Variants in ASAP2 observed in about 807,000 individuals in gnomAD.
ASAP2 encodes the protein arf-GAP with SH3 domain, ANK repeat and PH domain-containing protein 2.
A neutral mutation model predicts 131.4 loss-of-function variants in ASAP2; 45 were observed. The observed-to-expected ratio is 0.34, with a 90% CI of 0.27 to 0.44. The LOEUF is 0.44. Ranked by LOEUF, ASAP2 falls within the 20% of genes least tolerant of loss-of-function variation. The pLI, the probability that ASAP2 is intolerant of heterozygous loss-of-function variation, is 1.00. For missense variants in ASAP2, 1,011 were observed against 1,297.0 expected (o/e 0.78, Z 3.39); for synonymous variants, 510 against 503.0 (o/e 1.01, Z -0.19).
In ASAP2 at chr2:9,385,325, T is replaced by C; in HGVS notation, c.2097T>C (p.Asp699=). The C allele has an allele frequency of 1.2e-6, 2 of 1,614,148 alleles. No individual in the cohort carries two copies. The highest frequency in any genetic ancestry group is 1.7e-6 in the Non-Finnish European group (2 of 1,179,962). Residue 699 remains aspartate, a synonymous_variant, in exon 21 of 28, where the codon GAT becomes GAC. Coordinates refer to ENST00000281419, the MANE Select transcript of ASAP2 (RefSeq NM_003887.3). The part of the protein sequence containing the change: ...YEWRLLHEDL[D]ESDDDMDEKL... ...GGCGACTACTCCACGAAGACCTGGA[T>C]GAAAGTGATGACGACATGGATGAGA...
At position 9,208,880 on chromosome 2, in the gene ASAP2, AAGCT is replaced by A. The variant is rs1389422767; in HGVS notation, c.126+1651_126+1654del. On this transcript the variant is annotated intron_variant, in intron 1 of 27. Transcript: ENST00000281419. The stretch of plus-strand genomic sequence containing the variant: ...ATTGTGCATGATGTCTTTCTTTAGA[AAGCT>A]TGATTATGTTTAAAGTTCTGTTGCT... Among the ~76,000 whole-genome samples the A allele has an allele frequency of 2.2e-4, 34 of 152,346 alleles. No individual in the cohort carries two copies. The East Asian group carries it at 5.6e-3, about 25-fold the overall frequency.
rs1661211345 is a variant in ASAP2, at chr2:9,207,597, C to T, written c.126+367C>T. On this transcript the variant is annotated intron_variant, in intron 1 of 27. Coordinates refer to ENST00000281419, the MANE Select transcript of ASAP2 (RefSeq NM_003887.3). The surrounding 1 kb of genome is among the most constrained non-coding windows in gnomAD (Gnocchi z 4.1). ...GGGGTCTTTGGTACCCGGTGCGGAC[C>T]TTATCAACTTGTTCTTGAAGTGGAC... is the stretch of plus-strand genomic sequence containing the variant. Among the ~76,000 whole-genome samples the T allele has an allele frequency of 6.6e-6, 1 of 152,150 alleles. No homozygotes were observed. The highest frequency in any genetic ancestry group is 1.5e-5 in the Non-Finnish European group (1 of 68,014).
intron 9 of ASAP2, among the ~76,000 whole-genome samples, chr2:9,336,472 G>A (rs186622022): frequency 3.3e-5 from 5 of 152,236 alleles, no homozygotes; most frequent in South Asian, 2.1e-4. Flanking sequence ...AGTGTTGGTT[G>A]TGCCTTAAGT....
rs565153366 is a variant in ASAP2, at chr2:9,389,488, G to A, written c.2383+942G>A. ...GCAGGCTGGGTCGGTGCGTGAGGGTGGCTGAGGCCGGGAGACCTGGCCCAG... is the reference window on the plus strand; with the variant it reads ...GCAGGCTGGGTCGGTGCGTGAGGGTAGCTGAGGCCGGGAGACCTGGCCCAG... On this transcript the variant is annotated intron_variant, in intron 22 of 27. Transcript: ENST00000281419. The surrounding 1 kb of genome is among the most constrained non-coding windows in gnomAD (Gnocchi z 4.7). 3.3e-5 allele frequency among the ~76,000 whole-genome samples: 5 copies of A among 152,344 alleles called. No individual in the cohort carries two copies. In the South Asian group the frequency reaches 1.0e-3, roughly 32 times the overall value.
intron 3 of ASAP2, among the ~76,000 whole-genome samples, chr2:9,307,926 GTGTGTGCATACGTGTGCTTGTC>G (rs1558316320): frequency 9.9e-5 from 15 of 152,198 alleles, no homozygotes. Flanking sequence ...ATAGACGGGA[GTGTGTGCATACGTGTGCTTGTC>G]TGTGTGCATG....
At chr2:9,331,483 T>G (rs1294769989) in intron 7 of ASAP2, among the ~76,000 whole-genome samples, 1 of 152,158 alleles carries the variant, frequency 6.6e-6, no homozygotes, top group Non-Finnish European at 1.5e-5. Flanking sequence ...ACAGCCATGG[T>G]TTGGCAAGGC....
At position 9,279,404 on chromosome 2, in the gene ASAP2, T is replaced by G; in HGVS notation, c.199+15T>G. 6.2e-7 allele frequency: 1 copy of G among 1,609,760 alleles called. No homozygotes were observed. Among genetic ancestry groups the G allele is most frequent in the Non-Finnish European group, 8.5e-7 (1 of 1,175,982 alleles). On this transcript the variant is annotated intron_variant, in intron 2 of 27. Transcript: ENST00000281419. ...CTCTGGGCTGGGTGAGTATACATCC[T>G]TCCCTAGAGGTTTCTGTGTGGAAAA...
At chr2:9,242,920 G>C (rs1043752319) in intron 1 of ASAP2, among the ~76,000 whole-genome samples, 1 of 152,132 alleles carries the variant, frequency 6.6e-6, no homozygotes, top group African/African-American at 2.4e-5. Context: ...CTGAGGCCCA[G>C]TAACAACAAA....
intron 5 of ASAP2, among the ~76,000 whole-genome samples, chr2:9,322,289 CAG>C (rs1268920991): frequency 2.6e-5 from 4 of 152,204 alleles, no homozygotes; most frequent in Non-Finnish European, 4.4e-5. Flanking sequence ...GCCCTAATGA[CAG>C]GGAGCCCTCT....
chr2:9,238,520 T>C (rs1186593521), intron 1 of ASAP2, among the ~76,000 whole-genome samples: 4 of 152,250 alleles, frequency 2.6e-5, no homozygotes, highest in Non-Finnish European at 5.9e-5. Context: ...CTTGTCTTAC[T>C]GGAAATGTCT....
At chr2:9,292,999 C>T (rs1236392920) in intron 2 of ASAP2, among the ~76,000 whole-genome samples, 1 of 152,160 alleles carries the variant, frequency 6.6e-6, no homozygotes, top group Non-Finnish European at 1.5e-5. Context: ...ATGTGTGGCC[C>T]GTAGAGGGGG....
At chr2:9,300,093 C>T (rs1169236129) in intron 3 of ASAP2, among the ~76,000 whole-genome samples, 2 of 152,166 alleles carry the variant, frequency 1.3e-5, no homozygotes, top group East Asian at 1.9e-4. Context: ...CTTAGCCAGG[C>T]GTGGTGGCTC....
Position 9,350,747 on chromosome 2 carries a change from A to T in ASAP2, c.1024-61A>T, listed in dbSNP as rs1672277189. The T allele has an allele frequency of 8.4e-6, 12 of 1,434,124 alleles. 1 individual carries two copies. The South Asian group carries it at 1.2e-4, about 14-fold the overall frequency. 88.8% of individuals were successfully genotyped at this position (1,434,124 alleles called of 1,614,324 possible). A position where few individuals can be genotyped will look rare whatever the true frequency, so the allele number is the denominator to read the frequency against. ...TGTATCTCGTGAGGATTGATACTGT[A>T]TGATTTTCCATTCCTTCCACCCAAC... On this transcript the variant is annotated intron_variant, in intron 11 of 27. Transcript: ENST00000281419.
intron 12 of ASAP2, 44 bp from the exon 13 acceptor site, chr2:9,356,003 G>C (rs887598093): frequency 7.5e-6 from 12 of 1,604,606 alleles, no homozygotes; most frequent in Non-Finnish European, 1.0e-5. Flanking sequence ...ATTGTGTATG[G>C]ATTGCTGTCT....
At chr2:9,356,698 A>G (rs763459636) in intron 14 of ASAP2, among the ~76,000 whole-genome samples, 1 of 152,096 alleles carries the variant, frequency 6.6e-6, no homozygotes, top group Non-Finnish European at 1.5e-5. Flanking sequence ...CTTGCTTGGA[A>G]TCTGCTCTCT....
At chr2:9,325,254 C>T (rs2148520616) in intron 6 of ASAP2, among the ~76,000 whole-genome samples, 1 of 152,270 alleles carries the variant, frequency 6.6e-6, no homozygotes, top group South Asian at 2.1e-4. Flanking sequence ...ACCTTCCTGG[C>T]CTACCTCATA....
chr2:9,328,473 A>G (rs2148534034), intron 7 of ASAP2, among the ~76,000 whole-genome samples: 2 of 152,318 alleles, frequency 1.3e-5, no homozygotes, highest in Admixed American at 1.3e-4. Context: ...CGCAACTCTC[A>G]GATGTTTGTT....
chr2:9,384,069 G>A lies in ASAP2; in HGVS notation c.2017-1176G>A, dbSNP rs567668102. On this transcript the variant is annotated intron_variant, in intron 20 of 27. Coordinates refer to ENST00000281419, the MANE Select transcript of ASAP2 (RefSeq NM_003887.3). The stretch of plus-strand genomic sequence containing the variant: ...AGGAGATATACTTAATGTAAATGAT[G>A]AGTTAATGGGTGCAGCACACCAACA... Among the ~76,000 whole-genome samples the A allele has an allele frequency of 1.4e-4, 22 of 152,282 alleles. 1 individual carries two copies. Among genetic ancestry groups the A allele is most frequent in the Non-Finnish European group, 1.5e-4 (10 of 68,034 alleles).
At chr2:9,399,768 C>T in intron 24 of ASAP2, 1 of 537,612 alleles carries the variant, frequency 1.9e-6, no homozygotes, top group Non-Finnish European at 3.3e-6. Context: ...AGACCCTGGC[C>T]ATCGGTGGCA....
Sources: allele counts gnomAD v4.1 joint callset (sites outside exome capture counted in the v4.1 genomes callset), GRCh38; gene constraint gnomAD v4.1.1; non-coding constraint Gnocchi (gnomAD v3.1); transcripts MANE v1.5; gene names NCBI Gene and HGNC (gene_info 2026-07-23, HGNC 2026-07-21).